Variants in RFX3 observed in about 807,000 individuals in gnomAD.
RFX3 encodes transcription factor RFX3.
In RFX3, 14 loss-of-function variants were observed where a neutral mutation model predicts 98.6. That is an observed-to-expected ratio of 0.14 (90% CI 0.09 to 0.22). The LOEUF is 0.22. Among genes scored for constraint, RFX3 ranks in the 10% least tolerant of loss-of-function variants. The pLI, the probability that RFX3 is intolerant of heterozygous loss-of-function variation, is 1.00. For missense variants in RFX3, 639 were observed against 926.9 expected, an observed-to-expected ratio of 0.69 and a Z score of 4.03; for synonymous variants, 383 against 328.4, an observed-to-expected ratio of 1.17 and a Z score of -1.80.
intron 4 of RFX3, among the ~76,000 whole-genome samples, chr9:3,307,509 G>A (rs1487271126): frequency 1.3e-5 from 2 of 152,130 alleles, no homozygotes; most frequent in Non-Finnish European, 1.5e-5. Flanking sequence ...ACACTGCAGT[G>A]AGAATGAAAG....
intron 2 of RFX3, among the ~76,000 whole-genome samples, chr9:3,369,118 G>C (rs1837527762): frequency 6.6e-6 from 1 of 152,206 alleles, no homozygotes; most frequent in African/African-American, 2.4e-5. Context: ...AAGATAGGAA[G>C]ACAGTGAAGA....
intron 15 of RFX3, 129 bp downstream of exon 15, chr9:3,247,903 G>T (rs749823530): frequency 3.1e-6 from 5 of 1,610,984 alleles, no homozygotes; most frequent in Middle Eastern, 1.7e-4. Context: ...TAACTCCACA[G>T]TCCCTCCTGG....
intron 14 of RFX3, among the ~76,000 whole-genome samples, chr9:3,256,212 C>T (rs1047203628): frequency 7.9e-5 from 12 of 152,022 alleles, no homozygotes; most frequent in Non-Finnish European, 1.5e-4. Flanking sequence ...CCTCGTGATC[C>T]GCCCACCTCA....
chr9:3,358,968 C>A (rs1293190982), intron 2 of RFX3, among the ~76,000 whole-genome samples: 1 of 151,708 alleles, frequency 6.6e-6, no homozygotes, highest in East Asian at 1.9e-4. Flanking sequence ...TATCTCCACC[C>A]GGTCCCACCC....
chr9:3,346,650 T>G lies in RFX3; in HGVS notation c.215+17A>C, dbSNP rs565290044. 3.3e-6 allele frequency: 5 copies of G among 1,508,612 alleles called. No homozygotes were observed. Among genetic ancestry groups the G allele is most frequent in the Non-Finnish European group, 4.6e-6 (5 of 1,083,738 alleles). The allele number at this position is 1,508,612 out of a possible 1,614,324, so 93.5% of individuals were successfully genotyped here. On this transcript the variant is annotated intron_variant, in intron 3 of 16. Transcript: ENST00000617270. ...TCTGAGTGGGGGAATTAAAAAGACT[T>G]CCACATATAAACTTACATTGCTCCA...
At chr9:3,351,973 T>A (rs142227578) in intron 2 of RFX3, among the ~76,000 whole-genome samples, 18 of 151,936 alleles carry the variant, frequency 1.2e-4, no homozygotes, top group African/African-American at 3.1e-4. Flanking sequence ...TACAAAAAAA[T>A]TTCAAAAAAT....
intron 9 of RFX3, among the ~76,000 whole-genome samples, chr9:3,272,912 T>C (rs911671565): frequency 1.3e-5 from 2 of 152,182 alleles, no homozygotes; most frequent in African/African-American, 4.8e-5. Context: ...TTTAAAAATA[T>C]GTACTGTAGG....
intron 4 of RFX3, among the ~76,000 whole-genome samples, chr9:3,316,338 A>G (rs1830583388): frequency 6.6e-6 from 1 of 152,186 alleles, no homozygotes; most frequent in South Asian, 2.1e-4. Flanking sequence ...CTTCATGCTA[A>G]AAAATCTCAA....
At chr9:3,511,824 T>C (rs905041775) in intron 1 of RFX3, among the ~76,000 whole-genome samples, 1 of 152,054 alleles carries the variant, frequency 6.6e-6, no homozygotes, top group Non-Finnish European at 1.5e-5. Context: ...GAGACTTGAA[T>C]TCAATTACTA....
rs750389001 is a variant in RFX3 at position 3,270,390 on chromosome 9, G to A, written c.1338C>T (p.Asp446=). 2.5e-6 allele frequency: 4 copies of A among 1,613,488 alleles called. No homozygotes were observed. The highest frequency in any genetic ancestry group is 2.7e-5 in the African/African-American group (2 of 74,902). ...ACTTACTAGGAATAGGTCTAAGGAC[G>A]TCGGGGATGAGAATCTCCACCAAAG... ...YQALVEILIP[D]VLRPIPSALT... is the part of the protein sequence containing the mutation. Residue 446 remains aspartate (D), a synonymous_variant, in exon 11 of 17, where the codon GAC becomes GAT. Transcript: ENST00000617270.
chr9:3,321,768 T>G (rs899170118), intron 4 of RFX3, among the ~76,000 whole-genome samples: 1 of 152,158 alleles, frequency 6.6e-6, no homozygotes, highest in Admixed American at 6.5e-5. Flanking sequence ...ACTCTAATGA[T>G]AAAACACACT....
chr9:3,476,283 G>A (rs985322580), intron 1 of RFX3, among the ~76,000 whole-genome samples: 15 of 151,594 alleles, frequency 9.9e-5, no homozygotes, highest in Middle Eastern at 3.2e-3. Flanking sequence ...GGAACAACTC[G>A]TGCCCCTGGT....
At chr9:3,271,210 A>C in intron 9 of RFX3, 92 bp from the exon 10 acceptor site, 1 of 1,075,012 alleles carries the variant, frequency 9.3e-7, no homozygotes, top group Non-Finnish European at 1.4e-6. Context: ...TATATGGTCA[A>C]GTTCTCCCTT....
intron 1 of RFX3, chr9:3,452,272 T>A (rs567551071): frequency 5.1e-6 from 1 of 197,420 alleles, no homozygotes; most frequent in African/African-American, 2.4e-5. Context: ...TCTTAAGAAT[T>A]GATGCTCAAA....
At chr9:3,456,069 G>A (rs1847120841) in intron 1 of RFX3, among the ~76,000 whole-genome samples, 1 of 152,250 alleles carries the variant, frequency 6.6e-6, no homozygotes, top group East Asian at 1.9e-4. Flanking sequence ...GCAGAAGGCA[G>A]AAGAGCACGC....
intron 7 of RFX3, among the ~76,000 whole-genome samples, chr9:3,278,068 T>C (rs1825463972): frequency 6.6e-6 from 1 of 151,886 alleles, no homozygotes. Flanking sequence ...ACAGAGTTTA[T>C]CAAATTAAAA....
intron 1 of RFX3, among the ~76,000 whole-genome samples, chr9:3,521,814 T>C (rs1027588963): frequency 6.6e-6 from 1 of 152,176 alleles, no homozygotes; most frequent in Non-Finnish European, 1.5e-5. Context: ...AAAGTTAACT[T>C]GTCATGTTAA....
At chr9:3,245,909 A>G (rs1820596320) in intron 15 of RFX3, among the ~76,000 whole-genome samples, 1 of 152,208 alleles carries the variant, frequency 6.6e-6, no homozygotes, top group Admixed American at 6.5e-5. Flanking sequence ...CAAGGGACCA[A>G]GAGAAGGTAG....
At chr9:3,515,051 T>A (rs947092110) in intron 1 of RFX3, among the ~76,000 whole-genome samples, 2 of 152,188 alleles carry the variant, frequency 1.3e-5, no homozygotes, top group African/African-American at 4.8e-5. Flanking sequence ...CTTTGGTTAT[T>A]TAAAATAGCA....
Sources: allele counts gnomAD v4.1 joint callset (sites outside exome capture counted in the v4.1 genomes callset), GRCh38; gene constraint gnomAD v4.1.1; transcripts MANE v1.5; gene names NCBI Gene and HGNC (gene_info 2026-07-23, HGNC 2026-07-21).